CSTF3: variants seen among roughly 807,000 people sequenced by gnomAD.
The protein encoded by CSTF3 is CF-1 77 kDa subunit.
Under a neutral mutation model 105.8 loss-of-function variants are expected in CSTF3, and 29 were observed. The observed-to-expected ratio is 0.27, with a 90% CI of 0.20 to 0.37. The LOEUF is 0.37. Ranked by LOEUF, CSTF3 falls within the 10% of genes least tolerant of loss-of-function variation. The pLI is 1.00. For missense variants in CSTF3, 357 were observed against 879.3 expected (o/e 0.41, Z 7.51); for synonymous variants, 252 against 281.9 (o/e 0.89, Z 1.06).
intron 1 of CSTF3, among the ~76,000 whole-genome samples, chr11:33,160,924 G>A (rs181758651): frequency 6.6e-6 from 1 of 152,090 alleles, no homozygotes; most frequent in Non-Finnish European, 1.5e-5. Context: ...TATATTTGGC[G>A]GGGTAAAAGA....
At chr11:33,150,978 A>G (rs192666008) in intron 1 of CSTF3, among the ~76,000 whole-genome samples, 1 of 152,278 alleles carries the variant, frequency 6.6e-6, no homozygotes, top group East Asian at 1.9e-4. Context: ...TCTGAAGTGT[A>G]TAACTCAATA....
At chr11:33,156,906 CAT>C in intron 1 of CSTF3, 1 of 284,520 alleles carries the variant, frequency 3.5e-6, no homozygotes, top group Non-Finnish European at 7.0e-6. Context: ...GTCTTTAAGA[CAT>C]AAAGATGAAT....
intron 17 of CSTF3, among the ~76,000 whole-genome samples, chr11:33,090,163 A>G (rs1002983235): frequency 6.6e-6 from 1 of 152,238 alleles, no homozygotes; most frequent in African/African-American, 2.4e-5. Flanking sequence ...CTGTCAAAAC[A>G]TATTTATCAA....
intron 1 of CSTF3, among the ~76,000 whole-genome samples, chr11:33,142,940 T>A (rs1194263683): frequency 6.6e-6 from 1 of 152,100 alleles, no homozygotes; most frequent in African/African-American, 2.4e-5. Context: ...AAAGGGCAAA[T>A]AATGTCTTAG....
In CSTF3 at chr11:33,142,060, T is replaced by C. The variant is rs745807088; in HGVS notation, c.28-74A>G. On this transcript the variant is annotated intron_variant, in intron 1 of 20. Transcript: ENST00000323959. Reference sequence around the variant, plus strand: ...CATGCCTAACTTAATTCATGAACAATAAAGTCCTCAGATGCAATGTCACAT... The same window carrying C: ...CATGCCTAACTTAATTCATGAACAACAAAGTCCTCAGATGCAATGTCACAT... 1.7e-4 allele frequency: 274 copies of C among 1,592,388 alleles called. 1 individual carries two copies. The Middle Eastern group carries it at 3.8e-3, about 22-fold the overall frequency.
intron 15 of CSTF3, among the ~76,000 whole-genome samples, chr11:33,094,661 G>A (rs1855200529): frequency 1.3e-5 from 2 of 152,086 alleles, no homozygotes; most frequent in South Asian, 2.1e-4. Flanking sequence ...TCATTTTTTG[G>A]AGTTAAGTCT....
intron 3 of CSTF3, among the ~76,000 whole-genome samples, chr11:33,127,364 T>G (rs920361121): frequency 7.9e-5 from 12 of 152,174 alleles, no homozygotes; most frequent in Admixed American, 6.5e-5. Flanking sequence ...TTCATCAATT[T>G]AAAAAATTGT....
intron 1 of CSTF3, among the ~76,000 whole-genome samples, chr11:33,152,303 T>C (rs1018792920): frequency 7.2e-5 from 11 of 152,148 alleles, no homozygotes; most frequent in African/African-American, 2.7e-4. Context: ...CGTATTATTA[T>C]TACTTTTTAG....
intron 1 of CSTF3, among the ~76,000 whole-genome samples, chr11:33,146,453 T>A (rs1168755119): frequency 6.6e-6 from 1 of 151,922 alleles, no homozygotes; most frequent in African/African-American, 2.4e-5. Flanking sequence ...CTCAAGAGGC[T>A]AAGGTGGAAA....
intron 1 of CSTF3, among the ~76,000 whole-genome samples, chr11:33,157,451 C>T (rs1046280829): frequency 1.3e-5 from 2 of 152,042 alleles, no homozygotes; most frequent in African/African-American, 4.8e-5. Flanking sequence ...GGGGGGTAAA[C>T]CTATATGCAA....
Position 33,141,647 on chromosome 11 carries a change from AAAT to A in CSTF3, c.225+17_225+19del, listed in dbSNP as rs1321820515. On this transcript the variant is annotated intron_variant, in intron 3 of 20. Coordinates refer to ENST00000323959, the MANE Select transcript of CSTF3 (RefSeq NM_001326.3). ...AATGCTGCAATACTGATATAAGAAA[AAAT>A]AAAATAAAATAGTAACCTCTGCTTC... The A allele has an allele frequency of 1.4e-5, 22 of 1,600,862 alleles. No individual in the cohort carries two copies. Among genetic ancestry groups the A allele is most frequent in the Non-Finnish European group, 1.9e-5 (22 of 1,175,146 alleles).
intron 3 of CSTF3, among the ~76,000 whole-genome samples, chr11:33,134,833 A>ACC: frequency 6.6e-6 from 1 of 152,288 alleles, no homozygotes; most frequent in African/African-American, 2.4e-5. Context: ...TGACTATAGT[A>ACC]AGTTAGAAAT....
At chr11:33,109,398 C>T (rs1009162043) in intron 3 of CSTF3, among the ~76,000 whole-genome samples, 6 of 152,246 alleles carry the variant, frequency 3.9e-5, no homozygotes, top group African/African-American at 1.2e-4. Context: ...TGATGACAGT[C>T]TTTTTTGCTT....
At position 33,108,381 on chromosome 11, in the gene CSTF3, C is replaced by A; in HGVS notation, c.258+5G>T. On this transcript the variant is annotated splice_donor_5th_base_variant and intron_variant, in intron 4 of 20. Transcript: ENST00000323959. ...ATATAAAATTCAAAGTATTTGAGGA[C>A]TCACCTTTTCAACCTTGTCATAATT... The A allele has an allele frequency of 6.7e-7, 1 of 1,489,352 alleles. No individual in the cohort carries two copies. Among genetic ancestry groups the A allele is most frequent in the Admixed American group, 2.2e-5 (1 of 45,946 alleles). 92.3% of individuals were successfully genotyped at this position (1,489,352 alleles called of 1,614,324 possible).
intron 1 of CSTF3, among the ~76,000 whole-genome samples, chr11:33,153,014 A>G (rs1425980542): frequency 6.6e-6 from 1 of 152,122 alleles, no homozygotes. Flanking sequence ...CATTACTCAC[A>G]TAAGAAATTA....
chr11:33,132,176 T>G (rs1199672427), intron 3 of CSTF3, among the ~76,000 whole-genome samples: 1 of 152,170 alleles, frequency 6.6e-6, no homozygotes, highest in East Asian at 1.9e-4. Flanking sequence ...GCATATATCC[T>G]TTATAGAGTT....
chr11:33,134,247 T>TAA (rs1029993553), intron 3 of CSTF3, among the ~76,000 whole-genome samples: 10 of 152,346 alleles, frequency 6.6e-5, no homozygotes, highest in African/African-American at 2.2e-4. Flanking sequence ...TGTCAGTTTG[T>TAA]AAACCCTAAA....
chr11:33,091,747 C>T (rs1255939614), intron 16 of CSTF3, among the ~76,000 whole-genome samples: 1 of 152,130 alleles, frequency 6.6e-6, no homozygotes, highest in Non-Finnish European at 1.5e-5. Context: ...CTCACTCTGT[C>T]ACCCAGGCTG....
Position 33,099,804 on chromosome 11 carries a change from C to G in CSTF3, c.827-87G>C. The G allele has an allele frequency of 1.3e-6, 1 of 782,800 alleles. No homozygotes were observed. Among genetic ancestry groups the G allele is most frequent in the Non-Finnish European group, 1.9e-6 (1 of 522,274 alleles). The allele number at this position is 782,800 out of a possible 1,614,324, so 48.5% of individuals were successfully genotyped here. On this transcript the variant is annotated intron_variant, in intron 10 of 20. Coordinates refer to ENST00000323959, the MANE Select transcript of CSTF3 (RefSeq NM_001326.3). This position sits in a 1 kb window ranked among gnomAD's most constrained non-coding sequence, Gnocchi z 4.1. ...ATGTAAATATCATAACCAAATTAGG[C>G]TCCTCAAAAATTAATGATAATTAGA... is the stretch of plus-strand genomic sequence containing the variant.
Sources: gnomAD v4.1 joint callset for allele counts (sites outside exome capture counted in the v4.1 genomes callset) on GRCh38, gnomAD v4.1.1 for gene constraint, Gnocchi (gnomAD v3.1) non-coding constraint, MANE v1.5 for transcripts, NCBI Gene and HGNC (gene_info 2026-07-23, HGNC 2026-07-21) for gene names.